Variants in B4GALNT3 observed in about 807,000 individuals in gnomAD.
The protein encoded by B4GALNT3 is beta-1,4-N-acetylgalactosaminyltransferase 3.
B4GALNT3 carries 86 observed loss-of-function variants against 120.2 expected under a neutral mutation model. That is an observed-to-expected ratio of 0.72 (90% CI 0.60 to 0.86). The LOEUF (loss-of-function observed/expected upper bound fraction) is 0.86. B4GALNT3 is among the 40% of genes least tolerant of loss of function. The probability of loss-of-function intolerance (pLI) is 0.00; values close to 1 mark genes in which losing one functional copy is unlikely to be tolerated. For missense variants in B4GALNT3, 1,167 were observed against 1,298.9 expected (o/e 0.90, Z 1.56); for synonymous variants, 518 against 510.4 (o/e 1.01, Z -0.20).
At chr12:518,416 CATATGATTTTTTTAAGA>C (rs1189645521) in intron 1 of B4GALNT3, among the ~76,000 whole-genome samples, 3 of 152,124 alleles carry the variant, frequency 2.0e-5, no homozygotes, top group Non-Finnish European at 4.4e-5. Flanking sequence ...TACATCCTTC[CATATGATTTTTTTAAGA>C]CTCTGGGTCT....
rs185751657 is a variant in B4GALNT3 at position 486,821 on chromosome 12, A to G, written c.169+26276A>G. Among the ~76,000 whole-genome samples the G allele has an allele frequency of 7.3e-3, 1,108 of 152,376 alleles. 13 individuals carry two copies. The highest frequency in any genetic ancestry group is 0.01 in the Middle Eastern group (3 of 294). On this transcript the variant is annotated intron_variant, in intron 1 of 19. Coordinates refer to ENST00000266383, the MANE Select transcript of B4GALNT3 (RefSeq NM_173593.4). ...AAGTTACGAGGCATACTAAAAGGGA[A>G]AAAACACATTTTGAAGAGACTGGAC...
At position 561,358 on chromosome 12, in the gene B4GALNT3, C is replaced by G. The variant is rs757996675; in HGVS notation, c.2904C>G (p.Gly968=). 3.1e-5 allele frequency: 50 copies of G among 1,613,652 alleles called. No individual in the cohort carries two copies. Among genetic ancestry groups the G allele is most frequent in the Non-Finnish European group, 4.1e-5 (48 of 1,179,744 alleles). ...WELLDRILQA[G]LDVERLSLRN... is the part of the protein sequence containing the mutation. Reference sequence around the variant, plus strand: ...CCTCCTCCAGGATACTCCAAGCGGGCCTGGACGTGGAGCGTCTCTCCCTCA... The same window carrying G: ...CCTCCTCCAGGATACTCCAAGCGGGGCTGGACGTGGAGCGTCTCTCCCTCA... The change falls in exon 20 of 20, where the codon GGC becomes GGG. Residue 968 remains glycine (G), a synonymous_variant. Coordinates refer to ENST00000266383, the MANE Select transcript of B4GALNT3 (RefSeq NM_173593.4).
At chr12:515,781 G>A (rs10774269) in intron 1 of B4GALNT3, among the ~76,000 whole-genome samples, 125,688 of 152,104 alleles carry the variant, frequency 0.83, 52,038 homozygotes, top group South Asian at 0.86. Context: ...GGATACTATT[G>A]TCAGTAACAT....
At chr12:546,027 A>G (rs1423525349) in intron 6 of B4GALNT3, among the ~76,000 whole-genome samples, 20 of 57,230 alleles carry the variant, frequency 3.5e-4, no homozygotes, top group African/African-American at 4.5e-4. Flanking sequence ...AGAGTGAGGA[A>G]TGGGGAGGAG....
At chr12:555,181 A>G in intron 14 of B4GALNT3, 1 of 335,072 alleles carries the variant, frequency 3.0e-6, no homozygotes, top group Non-Finnish European at 5.9e-6. Flanking sequence ...CTGTCTCAAA[A>G]AAAAAGAAAA....
chr12:516,144 TC>T (rs1439825970), intron 1 of B4GALNT3, among the ~76,000 whole-genome samples: 10 of 135,050 alleles, frequency 7.4e-5, no homozygotes, highest in Non-Finnish European at 1.2e-4. Context: ...AGACTCCGTC[TC>T]AAAAAAAAAA....
chr12:547,950 AG>A, intron 7 of B4GALNT3, 73 bp from the exon 8 acceptor site: 1 of 1,265,758 alleles, frequency 7.9e-7, no homozygotes, highest in Non-Finnish European at 1.2e-6. Context: ...AGGTGCTGGA[AG>A]GGGGTGGGAC....
At chr12:551,716 G>A (rs1466950212) in intron 11 of B4GALNT3, among the ~76,000 whole-genome samples, 2 of 152,136 alleles carry the variant, frequency 1.3e-5, no homozygotes, top group Non-Finnish European at 2.9e-5. Context: ...GCAGGTAAAG[G>A]TTCAGAGGTT....
At chr12:512,966 A>G (rs866310730) in intron 1 of B4GALNT3, among the ~76,000 whole-genome samples, 117 of 106,880 alleles carry the variant, frequency 1.1e-3, no homozygotes, top group Middle Eastern at 0.018. Context: ...TCCACCTTCC[A>G]CTTTCCACCT....
At chr12:526,342 A>G (rs1224992800) in intron 1 of B4GALNT3, among the ~76,000 whole-genome samples, 1 of 152,210 alleles carries the variant, frequency 6.6e-6, no homozygotes, top group Non-Finnish European at 1.5e-5. Flanking sequence ...GAAAGACTCC[A>G]GGGAGGAAAA....
chr12:518,065 T>G (rs1946673656), intron 1 of B4GALNT3, among the ~76,000 whole-genome samples: 1 of 152,218 alleles, frequency 6.6e-6, no homozygotes, highest in South Asian at 2.1e-4. Flanking sequence ...TACAGGGCTG[T>G]TGTGCATTGG....
Position 556,749 on chromosome 12 carries a change from T to A in B4GALNT3, c.2263T>A (p.Trp755Arg). ...VEARNLQGLV[W>R]DPHNRRRQVL... Reference sequence around the variant, plus strand: ...GGCCCGGAACCTGCAAGGCCTGGTCTGGGACCCACACAACCGTAGGAGACA... The same window carrying A: ...GGCCCGGAACCTGCAAGGCCTGGTCAGGGACCCACACAACCGTAGGAGACA... The change falls in exon 15 of 20, where the codon TGG becomes AGG. Residue 755 changes from tryptophan (W) to arginine (R), a missense_variant. Physicochemically the swap from Trp to Arg is moderately radical, Grantham distance 101. Coordinates refer to ENST00000266383, the MANE Select transcript of B4GALNT3 (RefSeq NM_173593.4). 6.2e-7 allele frequency: 1 copy of A among 1,612,788 alleles called. No individual in the cohort carries two copies. Among genetic ancestry groups the A allele is most frequent in the Non-Finnish European group, 8.5e-7 (1 of 1,179,144 alleles).
At chr12:533,441 C>T (rs531842867) in intron 1 of B4GALNT3, among the ~76,000 whole-genome samples, 6 of 152,356 alleles carry the variant, frequency 3.9e-5, no homozygotes, top group African/African-American at 1.4e-4. Context: ...GATAAAGCTG[C>T]AGAAGTCCCT....
chr12:547,950 A>C, intron 7 of B4GALNT3, 74 bp from the exon 8 acceptor site: 1 of 1,265,762 alleles, frequency 7.9e-7, no homozygotes, highest in Non-Finnish European at 1.2e-6. Context: ...AGGTGCTGGA[A>C]GGGGGTGGGA....
In B4GALNT3 at chr12:548,761, T is replaced by C. The variant is rs1947039096; in HGVS notation, c.853+464T>C. 6.6e-6 allele frequency among the ~76,000 whole-genome samples: 1 copy of C among 151,852 alleles called. No homozygotes were observed. The highest frequency in any genetic ancestry group is 1.9e-4 in the East Asian group (1 of 5,168). On this transcript the variant is annotated intron_variant, in intron 9 of 19. Coordinates refer to ENST00000266383, the MANE Select transcript of B4GALNT3 (RefSeq NM_173593.4). The surrounding 1 kb of genome is among the most constrained non-coding windows in gnomAD (Gnocchi z 4.9). ...CTCATCTCTACAAAAAATTAAAAAA[T>C]TAACTGGGTGTGGTGGCGCATGCCT...
Position 536,420 on chromosome 12 carries a change from T to TA in B4GALNT3, c.351+131dup, listed in dbSNP as rs1946860914. 4.5e-6 allele frequency: 3 copies of TA among 661,736 alleles called. No individual in the cohort carries two copies. The South Asian group carries it at 6.6e-5, about 15-fold the overall frequency. 41.0% of individuals were successfully genotyped at this position (661,736 alleles called of 1,614,324 possible). ...TACCGTACCTACTCTTTGAGAGAGC[T>TA]AAAAAATAATGTTTATGGATAATTC... is the stretch of plus-strand genomic sequence containing the variant. On this transcript the variant is annotated intron_variant, in intron 3 of 19. Coordinates refer to ENST00000266383, the MANE Select transcript of B4GALNT3 (RefSeq NM_173593.4).
At chr12:554,761 G>A (rs1271762419) in intron 14 of B4GALNT3, among the ~76,000 whole-genome samples, 1 of 99,328 alleles carries the variant, frequency 1.0e-5, no homozygotes, top group African/African-American at 4.4e-5. Flanking sequence ...CTGCACTCCA[G>A]CCTGGGCGAC....
chr12:554,131 C>A (rs1947117549), intron 14 of B4GALNT3, 148 bp downstream of exon 14: 1 of 632,142 alleles, frequency 1.6e-6, no homozygotes, highest in South Asian at 2.0e-5. Flanking sequence ...CTGGGAAGGA[C>A]AAGTGCCCGG....
chr12:483,054 G>A (rs116995396), intron 1 of B4GALNT3, among the ~76,000 whole-genome samples: 414 of 152,116 alleles, frequency 2.7e-3, no homozygotes, highest in Middle Eastern at 6.8e-3. Context: ...ACTACAGGTG[G>A]ATGTCACCTC....
Sources: allele counts gnomAD v4.1 joint callset (sites outside exome capture counted in the v4.1 genomes callset), GRCh38; gene constraint gnomAD v4.1.1; non-coding constraint Gnocchi (gnomAD v3.1); transcripts MANE v1.5; gene names NCBI Gene and HGNC (gene_info 2026-07-23, HGNC 2026-07-21).